The following ABCA13 variants were observed in gnomAD, a reference collection of about 807,000 sequenced individuals.
ABCA13 encodes the protein ATP-binding cassette sub-family A member 13.
A neutral mutation model predicts 478.7 loss-of-function variants in ABCA13; 476 were observed. The observed-to-expected ratio is 0.99, with a 90% confidence interval of 0.92 to 1.07. ABCA13 has a LOEUF of 1.07. Ranked by LOEUF, ABCA13 falls within the 50% of genes least tolerant of loss-of-function variation. ABCA13 has a pLI of 0.00. For synonymous variants in ABCA13, 2,252 were observed against 2,158.9 expected (o/e 1.04, Z -1.20); for missense variants, 6,060 against 5,910.6 (o/e 1.03, Z -0.83).
intron 20 of ABCA13, among the ~76,000 whole-genome samples, chr7:48,292,587 CCTT>C (rs1257214756): frequency 6.6e-6 from 1 of 152,212 alleles, no homozygotes; most frequent in Non-Finnish European, 1.5e-5. Flanking sequence ...GCATATCTCT[CCTT>C]CTGCCCTCCC....
At chr7:48,175,160 T>C (rs1468048834) in intron 1 of ABCA13, among the ~76,000 whole-genome samples, 1 of 152,254 alleles carries the variant, frequency 6.6e-6, no homozygotes, top group Non-Finnish European at 1.5e-5. Context: ...CATGAATTTC[T>C]ATTAATTTCT....
At position 48,276,129 on chromosome 7, in the gene ABCA13, A is replaced by G. The variant is rs754794023; in HGVS notation, c.6463A>G (p.Thr2155Ala). The G allele has an allele frequency of 6.3e-7, 1 of 1,597,862 alleles. No homozygotes were observed. The highest frequency in any genetic ancestry group is 1.1e-5 in the South Asian group (1 of 88,644). Residue 2155 changes from threonine (T) to alanine (A), a missense_variant, in exon 17 of 62, where the codon ACT becomes GCT. This residue lies in a region of ABCA13 where 4,423 missense variants were observed against 4,309.1 expected (regional missense o/e 1.03). Coordinates refer to ENST00000435803, the MANE Select transcript of ABCA13 (RefSeq NM_152701.5). ...CATTCCTGTGACCAATGAGAGTTCAACTGAAGATATAGCTTTGTTAGCCAA... is the reference window on the plus strand; with the variant it reads ...CATTCCTGTGACCAATGAGAGTTCAGCTGAAGATATAGCTTTGTTAGCCAA... Reference protein sequence around the residue: ...LFIPVTNESSTEDIALLAKAI... With the variant: ...LFIPVTNESSAEDIALLAKAI...
chr7:48,227,896 A>T (rs566424856), intron 6 of ABCA13, among the ~76,000 whole-genome samples: 2 of 152,324 alleles, frequency 1.3e-5, no homozygotes, highest in East Asian at 3.9e-4. Flanking sequence ...TTCAGAACTG[A>T]TAAGCTCAGT....
chr7:48,508,110 T>A, intron 50 of ABCA13, 61 bp downstream of exon 50: 1 of 1,601,688 alleles, frequency 6.2e-7, no homozygotes, highest in East Asian at 2.2e-5. Flanking sequence ...AGTGCGTGTA[T>A]GGAGGGATGG....
intron 39 of ABCA13, among the ~76,000 whole-genome samples, chr7:48,406,395 G>A (rs996617388): frequency 6.6e-6 from 1 of 152,160 alleles, no homozygotes; most frequent in Non-Finnish European, 1.5e-5. Flanking sequence ...ATGTGAGAGG[G>A]CACAGTTGTA....
intron 48 of ABCA13, among the ~76,000 whole-genome samples, chr7:48,503,629 A>G (rs1165049260): frequency 6.6e-6 from 1 of 152,168 alleles, no homozygotes; most frequent in East Asian, 1.9e-4. Flanking sequence ...TTCTCTTTTG[A>G]AGCTGAGTAA....
chr7:48,392,513 T>G (rs1297466141), intron 38 of ABCA13, among the ~76,000 whole-genome samples: 1 of 152,110 alleles, frequency 6.6e-6, no homozygotes, highest in Non-Finnish European at 1.5e-5. Context: ...TAGTCTGCCT[T>G]TTCTCTCCTT....
intron 1 of ABCA13, among the ~76,000 whole-genome samples, chr7:48,186,356 A>G (rs139137794): frequency 0.071 from 10,784 of 152,156 alleles, 465 homozygotes; most frequent in East Asian, 0.15. Flanking sequence ...TCAGCAATTT[A>G]AAGATATTTA....
At position 48,355,017 on chromosome 7, in the gene ABCA13, A is replaced by G. The variant is rs184813631; in HGVS notation, c.10688+2530A>G. ...TCTCTAGACTGAATAAGTAAAGAAA[A>G]TAAGTAAATCAGTAAAGAAAATAGG... On this transcript the variant is annotated intron_variant, in intron 31 of 61. Transcript: ENST00000435803. Among the ~76,000 whole-genome samples the G allele has an allele frequency of 1.2e-3, 185 of 152,164 alleles. 2 individuals carry two copies. Among genetic ancestry groups the G allele is most frequent in the African/African-American group, 4.3e-3 (177 of 41,408 alleles).
At position 48,489,261 on chromosome 7, in the gene ABCA13, A is replaced by G; in HGVS notation, c.13208A>G (p.His4403Arg). 6.2e-7 allele frequency: 1 copy of G among 1,612,482 alleles called. No homozygotes were observed. The highest frequency in any genetic ancestry group is 8.5e-7 in the Non-Finnish European group (1 of 1,179,032). The change falls in exon 48 of 62, where the codon CAT becomes CGT. Residue 4403 changes from histidine (H) to arginine (R), a missense_variant. By Grantham distance (29) the His-to-Arg change is conservative (BLOSUM62 0). This residue lies in a region of ABCA13 where 1,627 missense variants were observed against 1,571.0 expected (regional missense o/e 1.04). Coordinates refer to ENST00000435803, the MANE Select transcript of ABCA13 (RefSeq NM_152701.5). ...GTGTGGTATAATCAGAAGGGTTTTCATTCCCTACCTTCCTACTTAAATCAT... is the reference window on the plus strand; with the variant it reads ...GTGTGGTATAATCAGAAGGGTTTTCGTTCCCTACCTTCCTACTTAAATCAT... ...AKVWYNQKGF[H>R]SLPSYLNHLN...
At chr7:48,529,271 C>A (rs976817796) in intron 55 of ABCA13, among the ~76,000 whole-genome samples, 29 of 152,232 alleles carry the variant, frequency 1.9e-4, no homozygotes, top group African/African-American at 5.5e-4. Flanking sequence ...ATATCACAAA[C>A]TAAAATCTTA....
intron 23 of ABCA13, among the ~76,000 whole-genome samples, chr7:48,304,006 T>C (rs1800536428): frequency 6.6e-6 from 1 of 152,158 alleles, no homozygotes; most frequent in South Asian, 2.1e-4. Flanking sequence ...TAAAAGAAAA[T>C]GACTTTATAT....
chr7:48,338,224 G>A (rs1309482509), intron 28 of ABCA13, 141 bp from the exon 29 acceptor site: 3 of 481,806 alleles, frequency 6.2e-6, no homozygotes, highest in Non-Finnish European at 1.1e-5. Flanking sequence ...ATTTATTGTG[G>A]TGTTTTAAAA....
At chr7:48,214,492 GA>G (rs1249531756) in intron 3 of ABCA13, among the ~76,000 whole-genome samples, 1 of 152,194 alleles carries the variant, frequency 6.6e-6, no homozygotes, top group East Asian at 1.9e-4. Flanking sequence ...GAAAGTCCTA[GA>G]TAGCATCTTC....
At chr7:48,328,312 C>A (rs897029769) in intron 27 of ABCA13, among the ~76,000 whole-genome samples, 1 of 152,194 alleles carries the variant, frequency 6.6e-6, no homozygotes, top group Non-Finnish European at 1.5e-5. Context: ...TTGCAATCCA[C>A]TTTCTGACTG....
chr7:48,374,770 C>T (rs1457925994), intron 34 of ABCA13, among the ~76,000 whole-genome samples: 1 of 152,182 alleles, frequency 6.6e-6, no homozygotes, highest in Non-Finnish European at 1.5e-5. Flanking sequence ...CAGGGGTCCC[C>T]AACCCCTGGG....
chr7:48,275,448 G>T lies in ABCA13; in HGVS notation c.5782G>T (p.Val1928Phe), dbSNP rs762614194. The change falls in exon 17 of 62, where the codon GTC (valine) becomes TTC (phenylalanine). Residue 1928 changes from valine to phenylalanine, a missense_variant. Coordinates refer to ENST00000435803, the MANE Select transcript of ABCA13 (RefSeq NM_152701.5). ...ATTTTGGCATAAGATATTACCGTTT[G>T]TCCCACCTTCAATAAATCAAACTAG... ...QKFWHKILPF[V>F]PPSINQTRDS... 22 of 1,613,762 alleles carry T rather than the reference G, an allele frequency of 1.4e-5. No homozygotes were observed. The South Asian group carries it at 2.1e-4, about 15-fold the overall frequency.
Position 48,481,040 on chromosome 7 carries a change from G to C in ABCA13, c.12980G>C (p.Cys4327Ser). The change falls in exon 46 of 62, where the codon TGT (cysteine) becomes TCT (serine). Residue 4327 changes from cysteine (C) to serine (S), a missense_variant. Transcript: ENST00000435803. ...EFQDSCGCLK[C>S]PNRSASAPYL... is the part of the protein sequence containing the mutation. ...TCTTTTTGAAAACAATTTCAGAAGT[G>C]TCCAAATAGAAGTGCTAGTGCTCCC... is the stretch of plus-strand genomic sequence containing the variant. The C allele has an allele frequency of 6.3e-7, 1 of 1,584,744 alleles. No homozygotes were observed. The highest frequency in any genetic ancestry group is 8.6e-7 in the Non-Finnish European group (1 of 1,163,620).
intron 42 of ABCA13, among the ~76,000 whole-genome samples, chr7:48,452,430 C>A (rs1825156189): frequency 6.6e-6 from 1 of 152,146 alleles, no homozygotes; most frequent in South Asian, 2.1e-4. Flanking sequence ...TCTCAATGAA[C>A]CCAGGCCAGT....
Sources: gnomAD v4.1 joint callset for allele counts (sites outside exome capture counted in the v4.1 genomes callset) on GRCh38, gnomAD v4.1.1 for gene constraint, gnomAD v4.1.1 regional missense constraint, MANE v1.5 for transcripts, NCBI Gene and HGNC (gene_info 2026-07-23, HGNC 2026-07-21) for gene names.